The following BMPER variants were observed in gnomAD, a reference collection of about 807,000 sequenced individuals.
BMPER encodes the protein BMP-binding endothelial regulator protein.
A neutral mutation model predicts 87.3 loss-of-function variants in BMPER; 45 were observed. The observed-to-expected ratio is 0.52, with a 90% CI of 0.41 to 0.66. BMPER has a LOEUF of 0.66. BMPER is among the 30% of genes least tolerant of loss of function. The pLI is 0.00. For missense variants in BMPER, 784 were observed against 867.5 expected (o/e 0.90, Z 1.21); for synonymous variants, 326 against 316.2 (o/e 1.03, Z -0.33).
At chr7:34,023,436 C>T (rs554522249) in intron 6 of BMPER, among the ~76,000 whole-genome samples, 10 of 152,102 alleles carry the variant, frequency 6.6e-5, no homozygotes, top group East Asian at 1.9e-4. Context: ...CCACTGCCAC[C>T]GTGGCTGAGG....
chr7:34,021,121 G>T (rs1175118104), intron 6 of BMPER, among the ~76,000 whole-genome samples: 1 of 151,958 alleles, frequency 6.6e-6, no homozygotes, highest in African/African-American at 2.4e-5. Context: ...ATGCAAATAC[G>T]AGAAGAGCAT....
chr7:34,131,380 G>A lies in BMPER; in HGVS notation c.1746-11850G>A, dbSNP rs188759248. Reference sequence around the variant, plus strand: ...TGCTGGTTTATTGTGGAGCCAAAAGGCACGGCAGATGCTTGATGCAAGGCC... The same window carrying A: ...TGCTGGTTTATTGTGGAGCCAAAAGACACGGCAGATGCTTGATGCAAGGCC... On this transcript the variant is annotated intron_variant, in intron 13 of 14. Transcript: ENST00000649409. 3.8e-3 allele frequency among the ~76,000 whole-genome samples: 580 copies of A among 152,278 alleles called. 2 individuals are homozygous for A. Among genetic ancestry groups the A allele is most frequent in the African/African-American group, 0.013 (556 of 41,550 alleles).
At chr7:34,143,740 C>T (rs902248563) in intron 14 of BMPER, among the ~76,000 whole-genome samples, 2 of 152,094 alleles carry the variant, frequency 1.3e-5, no homozygotes, top group African/African-American at 4.8e-5. Flanking sequence ...TCAGGATAAG[C>T]AAGATACTTT....
intron 8 of BMPER, among the ~76,000 whole-genome samples, chr7:34,052,319 T>A (rs1272683369): frequency 1.3e-5 from 2 of 152,192 alleles, no homozygotes; most frequent in African/African-American, 4.8e-5. Flanking sequence ...TAAAAATTGC[T>A]TTTAATCACA....
chr7:33,945,426 A>G (rs1784869898), intron 3 of BMPER, among the ~76,000 whole-genome samples: 1 of 149,784 alleles, frequency 6.7e-6, no homozygotes, highest in Non-Finnish European at 1.5e-5. Flanking sequence ...ATTTTTTTGT[A>G]TTTTTAGTAG....
intron 9 of BMPER, 48 bp downstream of exon 9, chr7:34,055,351 C>T (rs1788255504): frequency 6.2e-7 from 1 of 1,611,248 alleles, no homozygotes. Flanking sequence ...ACTACGCTGA[C>T]AATTAAAAAG....
chr7:33,937,291 C>G lies in BMPER; in HGVS notation c.222C>G (p.Asn74Lys), dbSNP rs1784627192. ...DNPCIMCVCL[N>K]KEVTCKREKC... is the part of the protein sequence containing the mutation. ...CTCTCGTGTCTCTTTTTGTCTAGAA[C>G]AAGGAAGTGACATGTAAGAGAGAGA... Residue 74 changes from asparagine (N) to lysine (K), a missense_variant and splice_region_variant, in exon 3 of 15, where the codon AAC becomes AAG. Coordinates refer to ENST00000649409, the MANE Select transcript of BMPER (RefSeq NM_001365308.1). 1 of 1,613,660 alleles carries G rather than the reference C, an allele frequency of 6.2e-7. No individual in the cohort carries two copies. The highest frequency in any genetic ancestry group is 1.7e-5 in the Admixed American group (1 of 59,998).
intron 13 of BMPER, among the ~76,000 whole-genome samples, chr7:34,094,780 C>G (rs947898369): frequency 1.3e-5 from 2 of 152,180 alleles, no homozygotes; most frequent in Non-Finnish European, 1.5e-5. Context: ...ATCAGTCATT[C>G]CAGATAAGGC....
At chr7:34,063,021 T>C (rs1212807175) in intron 11 of BMPER, among the ~76,000 whole-genome samples, 1 of 152,240 alleles carries the variant, frequency 6.6e-6, no homozygotes, top group African/African-American at 2.4e-5. Context: ...TTCCCACATG[T>C]AGACACATGC....
intron 13 of BMPER, among the ~76,000 whole-genome samples, chr7:34,137,299 G>A (rs1790744224): frequency 6.6e-6 from 1 of 152,200 alleles, no homozygotes; most frequent in Non-Finnish European, 1.5e-5. Context: ...AGGCTGTTAT[G>A]GCCAACAGCT....
At chr7:34,005,170 C>T (rs1405525955) in intron 6 of BMPER, among the ~76,000 whole-genome samples, 1 of 152,084 alleles carries the variant, frequency 6.6e-6, no homozygotes, top group African/African-American at 2.4e-5. Context: ...AAAATAGTGA[C>T]AGTACCCTGG....
chr7:34,116,401 C>T (rs1790119561), intron 13 of BMPER, among the ~76,000 whole-genome samples: 1 of 152,094 alleles, frequency 6.6e-6, no homozygotes. Flanking sequence ...TTGACTCATT[C>T]CCATATTTAC....
At chr7:34,030,718 G>A (rs1397670449) in intron 6 of BMPER, among the ~76,000 whole-genome samples, 2 of 151,692 alleles carry the variant, frequency 1.3e-5, no homozygotes, top group Non-Finnish European at 2.9e-5. Context: ...GGACTCCTGA[G>A]CTCAAGTGAT....
chr7:34,102,601 A>C (rs771106722), intron 13 of BMPER, among the ~76,000 whole-genome samples: 4 of 152,180 alleles, frequency 2.6e-5, no homozygotes, highest in Admixed American at 1.3e-4. Flanking sequence ...AGACCATTCT[A>C]GAGACTCTTA....
intron 14 of BMPER, among the ~76,000 whole-genome samples, chr7:34,145,297 A>G (rs1790988044): frequency 6.6e-6 from 1 of 152,056 alleles, no homozygotes; most frequent in Admixed American, 6.5e-5. Flanking sequence ...TTTGAAAAGC[A>G]CCAGAGCCCT....
At chr7:34,015,422 A>G (rs909062098) in intron 6 of BMPER, among the ~76,000 whole-genome samples, 6 of 151,992 alleles carry the variant, frequency 3.9e-5, no homozygotes, top group Admixed American at 1.3e-4. Context: ...GATGTTATCA[A>G]TGAAGTAAAT....
intron 6 of BMPER, among the ~76,000 whole-genome samples, chr7:34,038,143 A>C (rs2127954209): frequency 6.6e-6 from 1 of 152,340 alleles, no homozygotes; most frequent in South Asian, 2.1e-4. Flanking sequence ...GAGACTTTGC[A>C]GATAGGATTA....
chr7:33,933,509 T>C (rs904552275), intron 2 of BMPER, among the ~76,000 whole-genome samples: 39 of 151,994 alleles, frequency 2.6e-4, no homozygotes, highest in African/African-American at 8.7e-4. Flanking sequence ...ACCATTTCTC[T>C]TGTTTAGATC....
chr7:33,970,501 A>C, intron 5 of BMPER, 82 bp downstream of exon 5: 2 of 1,420,596 alleles, frequency 1.4e-6, no homozygotes, highest in Non-Finnish European at 2.0e-6. Context: ...CTCTTGTTGG[A>C]AATTTTCCTC....
Sources: gnomAD v4.1 joint callset for allele counts (sites outside exome capture counted in the v4.1 genomes callset) on GRCh38, gnomAD v4.1.1 for gene constraint, MANE v1.5 for transcripts, NCBI Gene and HGNC (gene_info 2026-07-23, HGNC 2026-07-21) for gene names.